The following HPSE2 variants were observed in gnomAD, a reference collection of about 807,000 sequenced individuals.
HPSE2 encodes the protein inactive heparanase-2.
A neutral mutation model predicts 60.5 loss-of-function variants in HPSE2; 38 were observed. The ratio of observed to expected loss-of-function variants is 0.63; its 90% confidence interval spans 0.48 to 0.82. HPSE2 has a LOEUF of 0.82. HPSE2 is among the 40% of genes least tolerant of loss of function. The pLI, the probability that HPSE2 is intolerant of heterozygous loss-of-function variation, is 0.00. For synonymous variants in HPSE2, 295 were observed against 293.2 expected, an observed-to-expected ratio of 1.01 and a Z score of -0.06; for missense variants, 713 against 740.4, an observed-to-expected ratio of 0.96 and a Z score of 0.43.
chr10:99,090,727 G>C (rs1198696585), intron 3 of HPSE2, among the ~76,000 whole-genome samples: 1 of 151,738 alleles, frequency 6.6e-6, no homozygotes, highest in African/African-American at 2.4e-5. Context: ...TTTAATGATA[G>C]TTTCACATAG....
At chr10:99,263,204 C>G in the HPSE2 span, among the ~76,000 whole-genome samples, 1 of 152,166 alleles carries the variant, frequency 6.6e-6, no homozygotes, top group Non-Finnish European at 1.5e-5. Flanking sequence ...GGCAGTTCCA[C>G]CAGGCCTAAT....
intron 3 of HPSE2, among the ~76,000 whole-genome samples, chr10:98,797,227 G>A (rs1950797315): frequency 6.6e-6 from 1 of 152,026 alleles, no homozygotes; most frequent in African/African-American, 2.4e-5. Flanking sequence ...AAGCAAACTC[G>A]AAAGAAATTC....
intron 6 of HPSE2, among the ~76,000 whole-genome samples, chr10:98,692,561 G>A (rs1014789038): frequency 1.3e-5 from 2 of 152,090 alleles, no homozygotes; most frequent in Non-Finnish European, 2.9e-5. Context: ...GAGGTCAGGA[G>A]ATCAAGACCA....
At chr10:99,148,860 G>A (rs1000202322) in intron 2 of HPSE2, among the ~76,000 whole-genome samples, 2 of 151,870 alleles carry the variant, frequency 1.3e-5, no homozygotes, top group African/African-American at 2.4e-5. Context: ...GGACTTTGGG[G>A]ACTCAGAGGG....
chr10:98,737,146 A>T (rs183829374), intron 4 of HPSE2, among the ~76,000 whole-genome samples: 1,821 of 152,252 alleles, frequency 0.012, 24 homozygotes, highest in African/African-American at 0.041. Flanking sequence ...TAAAGCTCTT[A>T]GCTGTGACCT....
chr10:99,234,242 C>T (rs1338229226), intron 1 of HPSE2, among the ~76,000 whole-genome samples: 2 of 152,192 alleles, frequency 1.3e-5, no homozygotes, highest in Non-Finnish European at 2.9e-5. Context: ...CCTCTCAGTC[C>T]TCCGGCTACC....
intron 3 of HPSE2, among the ~76,000 whole-genome samples, chr10:98,780,026 A>C (rs1371937609): frequency 6.6e-6 from 1 of 152,074 alleles, no homozygotes; most frequent in African/African-American, 2.4e-5. Context: ...CTCTGAGAAA[A>C]ATTTTTAAAA....
intron 3 of HPSE2, among the ~76,000 whole-genome samples, chr10:98,757,338 A>C (rs1949901579): frequency 6.6e-6 from 1 of 152,214 alleles, no homozygotes; most frequent in East Asian, 1.9e-4. Context: ...CAGAGCAATC[A>C]GATAAGGGAA....
chr10:99,298,015 A>C, the HPSE2 span, among the ~76,000 whole-genome samples: 1 of 152,156 alleles, frequency 6.6e-6, no homozygotes, highest in Non-Finnish European at 1.5e-5. Flanking sequence ...TGCTTTGCTC[A>C]AGCCCCTCTT....
At position 98,686,675 on chromosome 10, in the gene HPSE2, G is replaced by A. The variant is rs1947925099; in HGVS notation, c.1004+7225C>T. On this transcript the variant is annotated intron_variant, in intron 6 of 11. Transcript: ENST00000370552. ...CCATTGCAGCCTCCCAAGTAGCTGG[G>A]ATTACAGGCACATATATTATTTTGA... Among the ~76,000 whole-genome samples the A allele has an allele frequency of 2.0e-5, 3 of 152,120 alleles. No individual in the cohort carries two copies. The South Asian group carries it at 6.2e-4, about 32-fold the overall frequency.
the HPSE2 span, among the ~76,000 whole-genome samples, chr10:99,249,222 C>A: frequency 6.6e-6 from 1 of 152,194 alleles, no homozygotes; most frequent in African/African-American, 2.4e-5. Context: ...AAGCTGCAGG[C>A]ACTCAACACC....
At chr10:98,771,495 C>T (rs1051738470) in intron 3 of HPSE2, among the ~76,000 whole-genome samples, 1 of 152,132 alleles carries the variant, frequency 6.6e-6, no homozygotes, top group African/African-American at 2.4e-5. Context: ...CTTTGGGAGC[C>T]ACTCCCACCT....
At chr10:99,174,943 G>A (rs942283716) in intron 2 of HPSE2, among the ~76,000 whole-genome samples, 5 of 152,202 alleles carry the variant, frequency 3.3e-5, no homozygotes, top group African/African-American at 1.2e-4. Flanking sequence ...TGGTTAGACA[G>A]TGGGTGCAGC....
the HPSE2 span, among the ~76,000 whole-genome samples, chr10:99,308,664 T>A: frequency 6.6e-6 from 1 of 152,148 alleles, no homozygotes; most frequent in Non-Finnish European, 1.5e-5. Flanking sequence ...CTTTAGTATA[T>A]CAACTTTGGA....
chr10:98,807,059 C>T (rs1001863408), intron 3 of HPSE2, among the ~76,000 whole-genome samples: 2 of 152,156 alleles, frequency 1.3e-5, no homozygotes, highest in South Asian at 4.1e-4. Flanking sequence ...AGGAGAATTG[C>T]TTGAACCCAG....
chr10:98,744,560 C>A (rs1025146661), intron 3 of HPSE2, among the ~76,000 whole-genome samples: 123 of 150,172 alleles, frequency 8.2e-4, no homozygotes, highest in Non-Finnish European at 1.5e-3. Flanking sequence ...ACAAAACAAA[C>A]AAAAAAAAAC....
intron 3 of HPSE2, among the ~76,000 whole-genome samples, chr10:99,111,224 G>C (rs1403348495): frequency 2.0e-5 from 3 of 152,108 alleles, no homozygotes; most frequent in Non-Finnish European, 4.4e-5. Flanking sequence ...TCATTTTATA[G>C]TAAGTATTGA....
chr10:98,721,259 A>G (rs1013321230), intron 5 of HPSE2, among the ~76,000 whole-genome samples: 5 of 151,910 alleles, frequency 3.3e-5, no homozygotes, highest in Non-Finnish European at 5.9e-5. Context: ...CAACTTTTTA[A>G]CCCAGCTTTG....
the HPSE2 span, among the ~76,000 whole-genome samples, chr10:99,310,043 G>T: frequency 6.6e-6 from 1 of 152,112 alleles, no homozygotes; most frequent in African/African-American, 2.4e-5. Context: ...CCAGTTTCTG[G>T]TGGCTGCCAG....
Sources: allele counts gnomAD v4.1 joint callset (sites outside exome capture counted in the v4.1 genomes callset), GRCh38; gene constraint gnomAD v4.1.1; transcripts MANE v1.5; gene names NCBI Gene and HGNC (gene_info 2026-07-23, HGNC 2026-07-21).